ZBTB20: variants seen among roughly 807,000 people sequenced by gnomAD.
The protein encoded by ZBTB20 is zinc finger and BTB domain containing 20.
In ZBTB20, 9 loss-of-function variants were observed where a neutral mutation model predicts 56.9. That is an observed-to-expected ratio of 0.16 (90% CI 0.10 to 0.28). ZBTB20 has a LOEUF of 0.28. Among genes scored for constraint, ZBTB20 ranks in the 10% least tolerant of loss-of-function variants. ZBTB20 has a pLI of 1.00. For synonymous variants in ZBTB20, 417 were observed against 420.7 expected (o/e 0.99, Z 0.11); for missense variants, 655 against 1,003.0 (o/e 0.65, Z 4.69).
chr3:114,466,097 G>A (rs1274490696), intron 7 of ZBTB20, among the ~76,000 whole-genome samples: 1 of 152,080 alleles, frequency 6.6e-6, no homozygotes, highest in African/African-American at 2.4e-5. Context: ...CTAGGGAAGT[G>A]ATCCAAATAT....
chr3:114,551,460 G>A (rs1020826965), intron 6 of ZBTB20, among the ~76,000 whole-genome samples: 10 of 152,134 alleles, frequency 6.6e-5, no homozygotes, highest in Non-Finnish European at 1.5e-4. Context: ...GTATATACAA[G>A]TCAATGACTT....
chr3:114,842,731 G>A (rs1024465710), intron 4 of ZBTB20, among the ~76,000 whole-genome samples: 1 of 152,158 alleles, frequency 6.6e-6, no homozygotes, highest in African/African-American at 2.4e-5. Context: ...TTCAACCAAC[G>A]AATTTAGAAA....
chr3:114,824,464 T>C (rs2073415132), intron 4 of ZBTB20, among the ~76,000 whole-genome samples: 1 of 151,928 alleles, frequency 6.6e-6, no homozygotes. Context: ...CTCAAGAGGC[T>C]TTTTTTAATA....
intron 1 of ZBTB20, among the ~76,000 whole-genome samples, chr3:115,122,938 C>T (rs759701456): frequency 4.6e-5 from 7 of 152,000 alleles, no homozygotes; most frequent in Non-Finnish European, 8.8e-5. Context: ...GAGGCAAACA[C>T]GTATTAATCA....
chr3:115,018,389 C>T lies in ZBTB20; in HGVS notation c.-506-43973G>A, dbSNP rs555738618. Among the ~76,000 whole-genome samples, 170 of 151,220 alleles carry T rather than the reference C, an allele frequency of 1.1e-3. 5 individuals are homozygous for T. The South Asian group carries it at 0.034, about 30-fold the overall frequency. On this transcript the variant is annotated intron_variant, in intron 2 of 11. Coordinates refer to ENST00000675478, the MANE Select transcript of ZBTB20 (RefSeq NM_001348800.3). The stretch of plus-strand genomic sequence containing the variant: ...ATTTATTCTCCCAAAGTTGAAAAAA[C>T]AACAAACCAAAAAAGGTGTATATGT...
At chr3:114,966,161 T>G (rs1179517437) in intron 3 of ZBTB20, among the ~76,000 whole-genome samples, 1 of 152,170 alleles carries the variant, frequency 6.6e-6, no homozygotes, top group African/African-American at 2.4e-5. Flanking sequence ...TACTTGCCTC[T>G]TTTTGGAACA....
At chr3:115,142,105 C>A (rs2084827169) in intron 1 of ZBTB20, among the ~76,000 whole-genome samples, 6 of 152,146 alleles carry the variant, frequency 3.9e-5, no homozygotes, top group Admixed American at 3.3e-4. Flanking sequence ...TGTTTCTATG[C>A]TATCCATAGG....
At chr3:114,751,957 AT>A (rs748745528) in intron 5 of ZBTB20, among the ~76,000 whole-genome samples, 4 of 152,126 alleles carry the variant, frequency 2.6e-5, no homozygotes, top group Non-Finnish European at 5.9e-5. Flanking sequence ...GACAAAATAT[AT>A]TTTCAGCAAG....
chr3:114,348,018 C>T (rs900535280), intron 11 of ZBTB20, among the ~76,000 whole-genome samples: 14 of 152,134 alleles, frequency 9.2e-5, no homozygotes, highest in Middle Eastern at 3.2e-3. Context: ...CTAGTTATCT[C>T]GGTTAACCAC....
chr3:114,879,498 G>A (rs669699), intron 4 of ZBTB20, among the ~76,000 whole-genome samples: 13,368 of 152,092 alleles, frequency 0.088, 1,702 homozygotes, highest in African/African-American at 0.28. Flanking sequence ...GAAAACCACG[G>A]CTTAGTTCTA....
intron 4 of ZBTB20, among the ~76,000 whole-genome samples, chr3:114,817,156 A>C (rs1379342228): frequency 6.6e-6 from 1 of 151,390 alleles, no homozygotes; most frequent in Non-Finnish European, 1.5e-5. Context: ...ATCTCTCTCT[A>C]TATTAAGTCT....
rs887336195 is a variant in ZBTB20 at position 114,314,928 on chromosome 3, A to G, written c.*24077T>C. The G allele has an allele frequency of 6.6e-6, 1 of 152,196 alleles. No individual in the cohort carries two copies. Among genetic ancestry groups the G allele is most frequent in the Non-Finnish European group, 1.5e-5 (1 of 68,028 alleles). The allele number at this position is 152,196 out of a possible 1,614,324, so 9.4% of individuals were successfully genotyped here. On this transcript the variant is annotated 3_prime_UTR_variant, in exon 12 of 12. Coordinates refer to ENST00000675478, the MANE Select transcript of ZBTB20 (RefSeq NM_001348800.3). ...ACGAGGCTAATATTAAATGGCAGGT[A>G]AGGATACTGTCACTGTAAGAAAAAA...
Position 114,380,257 on chromosome 3 carries a change from A to G in ZBTB20, c.159T>C (p.His53=). The G allele has an allele frequency of 6.5e-7, 1 of 1,537,070 alleles. No homozygotes were observed. The highest frequency in any genetic ancestry group is 1.2e-5 in the South Asian group (1 of 84,050). ...SPDPALIHST[H]SLTNSHAHTG... is the part of the protein sequence containing the mutation. Reference sequence around the variant, plus strand: ...TGTGAGCGTGAGAGTTTGTCAGTGAATGTGTTGAGTGGATGAGGGCTGGGT... The same window carrying G: ...TGTGAGCGTGAGAGTTTGTCAGTGAGTGTGTTGAGTGGATGAGGGCTGGGT... Residue 53 remains histidine (H), a synonymous_variant, in exon 10 of 12, where the codon CAT becomes CAC. Transcript: ENST00000675478.
intron 6 of ZBTB20, among the ~76,000 whole-genome samples, chr3:114,635,597 T>C (rs987456292): frequency 1.3e-5 from 2 of 151,780 alleles, no homozygotes; most frequent in African/African-American, 4.8e-5. Flanking sequence ...AATAAAGAGA[T>C]AGAGACTATT....
intron 1 of ZBTB20, among the ~76,000 whole-genome samples, chr3:115,141,967 G>A (rs1287938898): frequency 6.6e-6 from 1 of 152,100 alleles, no homozygotes; most frequent in Non-Finnish European, 1.5e-5. Context: ...TGGATATAAG[G>A]TTCCATGAAC....
chr3:115,085,224 C>T (rs907303920), intron 1 of ZBTB20, among the ~76,000 whole-genome samples: 4 of 151,894 alleles, frequency 2.6e-5, no homozygotes, highest in Non-Finnish European at 5.9e-5. Context: ...TAAATCAAAA[C>T]ACTATTGGGT....
chr3:114,657,854 G>A (rs2060498300), intron 6 of ZBTB20, among the ~76,000 whole-genome samples: 1 of 151,766 alleles, frequency 6.6e-6, no homozygotes, highest in Non-Finnish European at 1.5e-5. Context: ...CCCATACCAT[G>A]GTTTGGAACT....
At chr3:115,028,308 C>T (rs1406127847) in intron 2 of ZBTB20, among the ~76,000 whole-genome samples, 2 of 150,726 alleles carry the variant, frequency 1.3e-5, no homozygotes, top group Non-Finnish European at 3.0e-5. Context: ...GCAAAGGAGG[C>T]TACTGAGCAC....
At chr3:115,038,405 C>T (rs1414459019) in intron 2 of ZBTB20, among the ~76,000 whole-genome samples, 1 of 152,042 alleles carries the variant, frequency 6.6e-6, no homozygotes. Context: ...CTGACTTGGC[C>T]ATACAGGTTT....
Sources: gnomAD v4.1 joint callset for allele counts (sites outside exome capture counted in the v4.1 genomes callset) on GRCh38, gnomAD v4.1.1 for gene constraint, MANE v1.5 for transcripts, NCBI Gene and HGNC (gene_info 2026-07-23, HGNC 2026-07-21) for gene names.